Variants in MAMDC2 observed in about 807,000 individuals in gnomAD.
MAMDC2 encodes the protein MAM domain-containing protein 2.
Under a neutral mutation model 89.8 loss-of-function variants are expected in MAMDC2, and 57 were observed. The ratio of observed to expected loss-of-function variants is 0.63; its 90% confidence interval spans 0.51 to 0.79. MAMDC2 has a LOEUF of 0.79. Among genes scored for constraint, MAMDC2 ranks in the 30% least tolerant of loss-of-function variants. MAMDC2 has a pLI of 0.00. For synonymous variants in MAMDC2, 313 were observed against 293.4 expected, an observed-to-expected ratio of 1.07 and a Z score of -0.68; for missense variants, 800 against 820.6, an observed-to-expected ratio of 0.97 and a Z score of 0.31.
chr9:70,168,872 A>G (rs971586893), intron 10 of MAMDC2, 77 bp downstream of exon 10: 1 of 1,215,142 alleles, frequency 8.2e-7, no homozygotes, highest in Non-Finnish European at 1.2e-6. Context: ...AATCACATAC[A>G]TTTCATCTGT....
chr9:70,112,025 C>A (rs1035370398), intron 4 of MAMDC2, among the ~76,000 whole-genome samples: 21 of 152,186 alleles, frequency 1.4e-4, no homozygotes, highest in Admixed American at 1.2e-3. Context: ...CCCCTGATTT[C>A]ATTCTCCTTC....
chr9:70,096,283 G>T (rs1226218103), intron 2 of MAMDC2, among the ~76,000 whole-genome samples: 1 of 152,086 alleles, frequency 6.6e-6, no homozygotes, highest in Non-Finnish European at 1.5e-5. Flanking sequence ...CTCCCAAAGT[G>T]CTGGGATTAC....
At chr9:70,050,088 C>T (rs1192118910) in intron 2 of MAMDC2, among the ~76,000 whole-genome samples, 1 of 152,170 alleles carries the variant, frequency 6.6e-6, no homozygotes, top group African/African-American at 2.4e-5. Context: ...ATATTTCAGA[C>T]ATGTGGAAGA....
rs181738196 is a variant in MAMDC2, at chr9:70,108,249, G to C, written c.187G>C (p.Gly63Arg). 5 of 1,610,876 alleles carry C rather than the reference G, an allele frequency of 3.1e-6. No homozygotes were observed. Among genetic ancestry groups the C allele is most frequent in the East Asian group, 4.5e-5 (2 of 44,766 alleles). ...TGTGGATACCTCCTTTGGCAAGCAGGGGGAGAAAGCTGTGCTGCTAAGTCC... is the reference window on the plus strand; with the variant it reads ...TGTGGATACCTCCTTTGGCAAGCAGCGGGAGAAAGCTGTGCTGCTAAGTCC... ...IYVDTSFGKQ[G>R]EKAVLLSPDL... Residue 63 changes from glycine to arginine, a missense_variant, in exon 3 of 14, where the codon GGG (glycine) becomes CGG (arginine). Coordinates refer to ENST00000377182, the MANE Select transcript of MAMDC2 (RefSeq NM_153267.5).
At chr9:70,097,397 A>G (rs1034401312) in intron 2 of MAMDC2, among the ~76,000 whole-genome samples, 7 of 152,336 alleles carry the variant, frequency 4.6e-5, no homozygotes, top group South Asian at 4.1e-4. Context: ...AATGATATTG[A>G]CAAGGAATAC....
chr9:70,051,888 GAGAT>G (rs71364576), intron 2 of MAMDC2, among the ~76,000 whole-genome samples: 1,662 of 148,910 alleles, frequency 0.011, 16 homozygotes, highest in African/African-American at 0.024. Flanking sequence ...TAGATAGATA[GAGAT>G]AGATAGATAG....
At chr9:70,084,896 C>G (rs1037754389) in intron 2 of MAMDC2, among the ~76,000 whole-genome samples, 1 of 151,930 alleles carries the variant, frequency 6.6e-6, no homozygotes, top group African/African-American at 2.4e-5. Context: ...AATGTCAAAC[C>G]CAGGGATTTT....
chr9:70,221,321 C>A (rs1410790301), intron 12 of MAMDC2, among the ~76,000 whole-genome samples: 1 of 125,660 alleles, frequency 8.0e-6, no homozygotes, highest in African/African-American at 3.0e-5. Context: ...CATATTGAGA[C>A]CCTGTCTCTA....
intron 11 of MAMDC2, among the ~76,000 whole-genome samples, chr9:70,207,248 A>G (rs1334071785): frequency 6.6e-6 from 1 of 152,252 alleles, no homozygotes. Flanking sequence ...AACCACCAGC[A>G]GTGTAAAAGT....
chr9:70,148,161 A>G (rs1472978230), intron 9 of MAMDC2: 1 of 150,284 alleles, frequency 6.7e-6, no homozygotes, highest in African/African-American at 2.5e-5. Flanking sequence ...ACACTGAGCA[A>G]TCAGTTCCTG....
intron 2 of MAMDC2, among the ~76,000 whole-genome samples, chr9:70,070,265 T>C (rs1223434933): frequency 1.3e-5 from 2 of 152,188 alleles, no homozygotes; most frequent in Non-Finnish European, 1.5e-5. Context: ...ACTCCAGGCA[T>C]GTGGAAAGAG....
intron 9 of MAMDC2, among the ~76,000 whole-genome samples, chr9:70,148,745 A>G (rs2031484498): frequency 6.7e-6 from 1 of 148,704 alleles, no homozygotes; most frequent in African/African-American, 2.5e-5. Flanking sequence ...AAAATATTTT[A>G]AAGGCCAGGC....
At chr9:70,221,857 A>T (rs1402756478) in intron 12 of MAMDC2, among the ~76,000 whole-genome samples, 1 of 152,172 alleles carries the variant, frequency 6.6e-6, no homozygotes, top group Non-Finnish European at 1.5e-5. Context: ...GAGGTCAAAG[A>T]AGTATTGTGA....
chr9:70,150,378 C>G (rs1020980763), intron 9 of MAMDC2, among the ~76,000 whole-genome samples: 3 of 152,148 alleles, frequency 2.0e-5, no homozygotes, highest in Admixed American at 2.0e-4. Flanking sequence ...AAACTGATGA[C>G]AGTTTAACAG....
intron 11 of MAMDC2, among the ~76,000 whole-genome samples, chr9:70,191,219 T>C (rs948451242): frequency 8.5e-5 from 13 of 152,116 alleles, no homozygotes; most frequent in Admixed American, 8.5e-4. Flanking sequence ...TTGTGACAGT[T>C]TTTTTGCAAG....
At position 70,044,248 on chromosome 9, in the gene MAMDC2, G is replaced by T; in HGVS notation, c.34+17G>T. 6.2e-7 allele frequency: 1 copy of T among 1,611,724 alleles called. No individual in the cohort carries two copies. The highest frequency in any genetic ancestry group is 8.5e-7 in the Non-Finnish European group (1 of 1,179,822). ...CGTTGCAAGGTAAGGCCTGGACCCCGGGACAACCCCGGGGGCGCTCTGACG... is the reference window on the plus strand; with the variant it reads ...CGTTGCAAGGTAAGGCCTGGACCCCTGGACAACCCCGGGGGCGCTCTGACG... On this transcript the variant is annotated intron_variant, in intron 1 of 13. Coordinates refer to ENST00000377182, the MANE Select transcript of MAMDC2 (RefSeq NM_153267.5).
intron 2 of MAMDC2, among the ~76,000 whole-genome samples, chr9:70,068,386 T>C (rs1388902093): frequency 6.6e-6 from 1 of 151,996 alleles, no homozygotes; most frequent in Non-Finnish European, 1.5e-5. Context: ...TAGGATTCAA[T>C]GACAGTGGAG....
chr9:70,168,969 G>A (rs1316158196), intron 10 of MAMDC2, among the ~76,000 whole-genome samples, 174 bp downstream of exon 10: 2 of 152,190 alleles, frequency 1.3e-5, no homozygotes, highest in African/African-American at 2.4e-5. Flanking sequence ...TGATTCCAGT[G>A]TAATATGTGT....
At chr9:70,136,035 C>G (rs2030992089) in intron 7 of MAMDC2, among the ~76,000 whole-genome samples, 1 of 152,092 alleles carries the variant, frequency 6.6e-6, no homozygotes, top group Non-Finnish European at 1.5e-5. Context: ...CCTATGGTCC[C>G]AGCTTCTTAG....
Sources: gnomAD v4.1 joint callset for allele counts (sites outside exome capture counted in the v4.1 genomes callset) on GRCh38, gnomAD v4.1.1 for gene constraint, MANE v1.5 for transcripts, NCBI Gene and HGNC (gene_info 2026-07-23, HGNC 2026-07-21) for gene names.